Variants in ZNF331 observed in about 807,000 individuals in gnomAD.
ZNF331 encodes C2H2-like zinc finger protein rearranged in thyroid adenomas.
Under a neutral mutation model 7.0 loss-of-function variants are expected in ZNF331, and 2 were observed. That is an observed-to-expected ratio of 0.29 (90% CI 0.12 to 0.90). The LOEUF (loss-of-function observed/expected upper bound fraction) is 0.90, where lower values mean the gene tolerates loss of function less well. Ranked by LOEUF, ZNF331 falls within the 40% of genes least tolerant of loss-of-function variation. The pLI, the probability that ZNF331 is intolerant of heterozygous loss-of-function variation, is 0.58. For missense variants in ZNF331, 432 were observed against 587.7 expected, an observed-to-expected ratio of 0.74 and a Z score of 2.74; for synonymous variants, 196 against 205.4, an observed-to-expected ratio of 0.95 and a Z score of 0.39.
intron 2 of ZNF331, among the ~76,000 whole-genome samples, chr19:53,549,100 T>C (rs2088815432): frequency 6.6e-6 from 1 of 152,172 alleles, no homozygotes; most frequent in Non-Finnish European, 1.5e-5. Context: ...CCACCGCACC[T>C]GGCCTCATTT....
At chr19:53,551,763 C>T (rs1418939439) in intron 2 of ZNF331, among the ~76,000 whole-genome samples, 2 of 152,078 alleles carry the variant, frequency 1.3e-5, no homozygotes, top group East Asian at 3.9e-4. Flanking sequence ...AAATTATTAG[C>T]ATAGCATATA....
intron 1 of ZNF331, among the ~76,000 whole-genome samples, chr19:53,522,255 T>TC (rs1160759318): frequency 3.0e-5 from 4 of 133,838 alleles, no homozygotes; most frequent in Non-Finnish European, 6.4e-5. Flanking sequence ...TTTCTTTCTT[T>TC]GTTTTTTTTT....
At chr19:53,512,781 C>A in the ZNF331 span, 1 of 149,806 alleles carries the variant, frequency 6.7e-6, no homozygotes, top group Non-Finnish European at 1.5e-5. Context: ...GGAGTGCCAA[C>A]CCTACTGTGA....
At chr19:53,550,529 C>CTTTTTTTTTTTTTTTTTTTTTT (rs60619357) in intron 2 of ZNF331, among the ~76,000 whole-genome samples, 3 of 64,540 alleles carry the variant, frequency 4.6e-5, no homozygotes, top group South Asian at 8.7e-4. Context: ...TCTATTTTGT[C>CTTTTTTTTTTTTTTTTTTTTTT]TTTTTTTTTT....
upstream of ZNF331, among the ~76,000 whole-genome samples, chr19:53,519,760 C>G (rs1485616192): frequency 6.6e-6 from 1 of 152,120 alleles, no homozygotes; most frequent in East Asian, 1.9e-4. Flanking sequence ...TGGCACAGAC[C>G]CAGTCAGGAC....
intron 3 of ZNF331, among the ~76,000 whole-genome samples, chr19:53,567,848 A>C (rs1476939795): frequency 6.6e-6 from 1 of 151,866 alleles, no homozygotes; most frequent in East Asian, 1.9e-4. Context: ...CTTAAAAAAA[A>C]AAAACAAAAA....
intron 3 of ZNF331, among the ~76,000 whole-genome samples, chr19:53,568,402 C>T (rs186751484): frequency 4.7e-4 from 72 of 152,232 alleles, no homozygotes; most frequent in African/African-American, 1.6e-3. Flanking sequence ...CTCACCAGAG[C>T]TCTGATGTTG....
intron 3 of ZNF331, among the ~76,000 whole-genome samples, chr19:53,562,963 C>T (rs2089970347): frequency 6.6e-6 from 1 of 151,804 alleles, no homozygotes; most frequent in Non-Finnish European, 1.5e-5. Context: ...ACTCCAGCCT[C>T]AGCAACAGAG....
At chr19:53,540,050 T>C (rs1488180838) in intron 2 of ZNF331, among the ~76,000 whole-genome samples, 1 of 152,204 alleles carries the variant, frequency 6.6e-6, no homozygotes, top group South Asian at 2.1e-4. Context: ...TGTAAATACC[T>C]TATCCAACAT....
upstream of ZNF331, among the ~76,000 whole-genome samples, chr19:53,516,230 C>T (rs1428358898): frequency 3.3e-5 from 5 of 152,020 alleles, no homozygotes; most frequent in Admixed American, 6.5e-5. Context: ...GTGGGCGGAT[C>T]GCCTGAGGTC....
intron 3 of ZNF331, among the ~76,000 whole-genome samples, chr19:53,566,668 C>T (rs1487792128): frequency 6.6e-6 from 1 of 152,116 alleles, no homozygotes; most frequent in African/African-American, 2.4e-5. Context: ...TCAGTTTAGG[C>T]ACAGCGAGCC....
rs753593339 is a variant in ZNF331, at chr19:53,539,125, A to G, written c.-204-91A>G. Reference sequence around the variant, plus strand: ...AATCGCCACAGCGTGCTCTTCAGGAATCTCCCAGAAACTCCATCTCGGGGC... The same window carrying G: ...AATCGCCACAGCGTGCTCTTCAGGAGTCTCCCAGAAACTCCATCTCGGGGC... On this transcript the variant is annotated intron_variant, in intron 1 of 5. Coordinates refer to ENST00000449416, the MANE Select transcript of ZNF331 (RefSeq NM_001079906.2). This position sits in a 1 kb window ranked among gnomAD's most constrained non-coding sequence, Gnocchi z 6.1. The G allele has an allele frequency of 6.6e-6, 1 of 151,962 alleles. No homozygotes were observed. Among genetic ancestry groups the G allele is most frequent in the East Asian group, 1.9e-4 (1 of 5,138 alleles). The allele number at this position is 151,962 out of a possible 1,614,324, so 9.4% of individuals were successfully genotyped here.
chr19:53,574,099 G>A (rs572326462), intron 5 of ZNF331, among the ~76,000 whole-genome samples: 14 of 151,716 alleles, frequency 9.2e-5, no homozygotes, highest in African/African-American at 3.4e-4. Flanking sequence ...CTGGGCAACA[G>A]AGCAAGACTC....
At chr19:53,574,927 TTTTTC>T (rs1160330309) in intron 5 of ZNF331, among the ~76,000 whole-genome samples, 17 of 145,810 alleles carry the variant, frequency 1.2e-4, no homozygotes, top group African/African-American at 4.1e-4. Context: ...ATGTTGTATT[TTTTTC>T]TTTTCTTTTT....
intron 3 of ZNF331, among the ~76,000 whole-genome samples, chr19:53,561,667 A>G (rs1483489545): frequency 2.6e-5 from 4 of 152,188 alleles, no homozygotes; most frequent in Admixed American, 6.5e-5. Context: ...AACCTGAGCA[A>G]CATAGTGAGA....
At chr19:53,546,808 A>G (rs1368135898) in intron 2 of ZNF331, among the ~76,000 whole-genome samples, 3 of 152,214 alleles carry the variant, frequency 2.0e-5, no homozygotes, top group East Asian at 1.9e-4. Flanking sequence ...GTTTTTCAAT[A>G]TGCAGTAAAT....
intron 2 of ZNF331, among the ~76,000 whole-genome samples, chr19:53,545,324 T>C (rs2088522751): frequency 6.6e-6 from 1 of 152,200 alleles, no homozygotes; most frequent in African/African-American, 2.4e-5. Context: ...GTGACGTTAG[T>C]ACTTGGAATG....
chr19:53,523,641 G>A (rs1213434602), intron 2 of ZNF331: 1 of 127,980 alleles, frequency 7.8e-6, no homozygotes, highest in Admixed American at 7.6e-5. Context: ...CTACTCCATA[G>A]GTTCTGTCTT....
At chr19:53,557,416 G>A (rs189386874) in intron 3 of ZNF331, among the ~76,000 whole-genome samples, 17 of 152,252 alleles carry the variant, frequency 1.1e-4, no homozygotes, top group Admixed American at 3.9e-4. Context: ...CTCTGGGATC[G>A]TTTTTATAAG....
Sources: allele counts gnomAD v4.1 joint callset (sites outside exome capture counted in the v4.1 genomes callset), GRCh38; gene constraint gnomAD v4.1.1; non-coding constraint Gnocchi (gnomAD v3.1); transcripts MANE v1.5; gene names NCBI Gene and HGNC (gene_info 2026-07-23, HGNC 2026-07-21).